The following BACE2 variants were observed in gnomAD, a reference collection of about 807,000 sequenced individuals.
BACE2 encodes 56 kDa aspartic-like protease.
A neutral mutation model predicts 46.2 loss-of-function variants in BACE2; 17 were observed. The observed-to-expected ratio is 0.37, with a 90% CI of 0.25 to 0.55. BACE2 has a LOEUF of 0.55. BACE2 is among the 20% of genes least tolerant of loss of function. BACE2 has a pLI of 0.82. For missense variants in BACE2, 595 were observed against 698.1 expected (o/e 0.85, Z 1.66); for synonymous variants, 277 against 295.9 (o/e 0.94, Z 0.66).
chr21:41,240,868 C>T (rs1987265437), intron 3 of BACE2, among the ~76,000 whole-genome samples: 1 of 152,224 alleles, frequency 6.6e-6, no homozygotes, highest in African/African-American at 2.4e-5. Context: ...CCTCTCACTC[C>T]CTCTGGAATC....
At chr21:41,244,254 A>T (rs978615814) in intron 5 of BACE2, among the ~76,000 whole-genome samples, 3 of 152,212 alleles carry the variant, frequency 2.0e-5, no homozygotes, top group Admixed American at 6.5e-5. Context: ...TCATATATGC[A>T]GGTACCTCTT....
chr21:41,234,797 C>A (rs988139205), intron 2 of BACE2, among the ~76,000 whole-genome samples: 5 of 152,250 alleles, frequency 3.3e-5, no homozygotes, highest in Non-Finnish European at 5.9e-5. Flanking sequence ...TTCAAATACC[C>A]CATTTCAAAG....
intron 5 of BACE2, among the ~76,000 whole-genome samples, 166 bp from the exon 6 acceptor site, chr21:41,245,796 C>T (rs1987448111): frequency 6.6e-6 from 1 of 152,240 alleles, no homozygotes; most frequent in Non-Finnish European, 1.5e-5. Flanking sequence ...TGGAAGACCC[C>T]TGGTTCCCCA....
At chr21:41,266,752 C>T (rs1319918450) in intron 8 of BACE2, among the ~76,000 whole-genome samples, 1 of 152,262 alleles carries the variant, frequency 6.6e-6, no homozygotes, top group Non-Finnish European at 1.5e-5. Flanking sequence ...CTCACCCCTC[C>T]TGGTCGTGGG....
intron 2 of BACE2, among the ~76,000 whole-genome samples, chr21:41,226,565 C>T (rs1986826105): frequency 2.0e-5 from 3 of 152,248 alleles, no homozygotes; most frequent in East Asian, 3.8e-4. Flanking sequence ...TCCTCATGGC[C>T]TTCACGCATT....
intron 1 of BACE2, among the ~76,000 whole-genome samples, chr21:41,199,884 A>T (rs1184387013): frequency 1.3e-5 from 2 of 151,652 alleles, no homozygotes; most frequent in Non-Finnish European, 2.9e-5. Context: ...TCTTCTTCCC[A>T]CCTATGAGTG....
Position 41,168,588 on chromosome 21 carries a change from G to A in BACE2, c.312+13G>A. 1 of 1,312,902 alleles carries A rather than the reference G, an allele frequency of 7.6e-7. No homozygotes were observed. The highest frequency in any genetic ancestry group is 9.8e-7 in the Non-Finnish European group (1 of 1,023,390). 81.3% of individuals were successfully genotyped at this position (1,312,902 alleles called of 1,614,324 possible). A position where few individuals can be genotyped will look rare whatever the true frequency, so the allele number is the denominator to read the frequency against. ...CCCCCCGCAGAAGGTAGGGACCCCC[G>A]GCTGCTGCCGCGGGCTTTTCGGGCT... On this transcript the variant is annotated intron_variant, in intron 1 of 8. Transcript: ENST00000330333.
chr21:41,216,678 GGA>G (rs917972631), intron 1 of BACE2, among the ~76,000 whole-genome samples: 13 of 152,216 alleles, frequency 8.5e-5, no homozygotes, highest in African/African-American at 3.1e-4. Flanking sequence ...AAGCGTCTCT[GGA>G]GAGAGTCCCC....
At chr21:41,174,308 A>T (rs1272441025) in intron 1 of BACE2, among the ~76,000 whole-genome samples, 1 of 151,754 alleles carries the variant, frequency 6.6e-6, no homozygotes, top group African/African-American at 2.4e-5. Flanking sequence ...ACAACCAGCT[A>T]ATTTTTGTGC....
chr21:41,260,181 T>C (rs886280333), intron 8 of BACE2, among the ~76,000 whole-genome samples: 5 of 152,124 alleles, frequency 3.3e-5, no homozygotes, highest in Non-Finnish European at 5.9e-5. Context: ...GGTCTCACTC[T>C]CTTACCAGGC....
intron 8 of BACE2, among the ~76,000 whole-genome samples, chr21:41,274,985 T>C (rs1022008392): frequency 1.3e-5 from 2 of 152,160 alleles, no homozygotes; most frequent in Admixed American, 1.3e-4. Flanking sequence ...TTTCTCCTCT[T>C]TTTTCATCTC....
intron 2 of BACE2, among the ~76,000 whole-genome samples, chr21:41,236,969 GA>G (rs1449273825): frequency 6.6e-6 from 1 of 152,220 alleles, no homozygotes; most frequent in African/African-American, 2.4e-5. Flanking sequence ...ACATGACATG[GA>G]AAACACTGTT....
chr21:41,168,994 GC>G (rs369583484), intron 1 of BACE2, among the ~76,000 whole-genome samples: 71,606 of 110,884 alleles, frequency 0.65, 20,340 homozygotes, highest in East Asian at 0.89. Flanking sequence ...CCTCCCCCCC[GC>G]CCCCCCCCCA....
intron 1 of BACE2, among the ~76,000 whole-genome samples, chr21:41,208,295 G>C (rs186004330): frequency 6.6e-6 from 1 of 152,238 alleles, no homozygotes; most frequent in African/African-American, 2.4e-5. Flanking sequence ...GGCAGTGCAC[G>C]CAGGACCGCA....
At chr21:41,211,584 A>G (rs1986304147) in intron 1 of BACE2, among the ~76,000 whole-genome samples, 1 of 152,254 alleles carries the variant, frequency 6.6e-6, no homozygotes, top group Non-Finnish European at 1.5e-5. Flanking sequence ...CATATGTAAT[A>G]ACTGTGGGCA....
intron 2 of BACE2, chr21:41,236,528 G>T (rs1431103243): frequency 6.6e-6 from 1 of 152,208 alleles, no homozygotes; most frequent in Non-Finnish European, 1.5e-5. Flanking sequence ...CAGGCTCTCG[G>T]TCATGTCACA....
At chr21:41,226,870 G>A (rs1986834962) in intron 2 of BACE2, among the ~76,000 whole-genome samples, 1 of 152,224 alleles carries the variant, frequency 6.6e-6, no homozygotes, top group African/African-American at 2.4e-5. Context: ...CACTCATTTG[G>A]AAGAGTGAGT....
chr21:41,273,284 C>A (rs1262785742), intron 8 of BACE2, among the ~76,000 whole-genome samples: 1 of 152,196 alleles, frequency 6.6e-6, no homozygotes, highest in Non-Finnish European at 1.5e-5. Context: ...TGAGAGCAGA[C>A]AACTGGTCTG....
chr21:41,177,657 G>A (rs935437638), intron 1 of BACE2: 1 of 152,174 alleles, frequency 6.6e-6, no homozygotes, highest in Non-Finnish European at 1.5e-5. Flanking sequence ...CCTTAGCCTC[G>A]CGCAGCGTCA....
Sources: allele counts gnomAD v4.1 joint callset (sites outside exome capture counted in the v4.1 genomes callset), GRCh38; gene constraint gnomAD v4.1.1; transcripts MANE v1.5; gene names NCBI Gene and HGNC (gene_info 2026-07-23, HGNC 2026-07-21).